Variants in MRTFA observed in about 807,000 individuals in gnomAD.
MRTFA encodes the protein myocardin related transcription factor A.
MRTFA carries 20 observed loss-of-function variants against 83.5 expected under a neutral mutation model. The ratio of observed to expected loss-of-function variants is 0.24; its 90% CI spans 0.17 to 0.35. The LOEUF (loss-of-function observed/expected upper bound fraction) is 0.35, where lower values mean the gene tolerates loss of function less well. MRTFA is among the 10% of genes least tolerant of loss of function. The probability of loss-of-function intolerance (pLI) is 1.00; values close to 1 mark genes in which losing one functional copy is unlikely to be tolerated. For missense variants in MRTFA, 1,200 were observed against 1,224.7 expected (o/e 0.98, Z 0.30); for synonymous variants, 659 against 541.2 (o/e 1.22, Z -3.02).
At chr22:40,569,326 G>C in intron 2 of MRTFA, 1 of 216,538 alleles carries the variant, frequency 4.6e-6, no homozygotes, top group Non-Finnish European at 1.0e-5. Context: ...AGAACTACAG[G>C]ACTGCCCCTT....
At chr22:40,525,621 T>C (rs547718052) in intron 3 of MRTFA, among the ~76,000 whole-genome samples, 23 of 152,326 alleles carry the variant, frequency 1.5e-4, no homozygotes, top group African/African-American at 5.3e-4. Context: ...TCATACCCAC[T>C]GAAAATGTTT....
rs538208373 is a variant in MRTFA, at chr22:40,458,537, C to T, written c.307+4684G>A. Among the ~76,000 whole-genome samples, 6 of 152,244 alleles carry T rather than the reference C, an allele frequency of 3.9e-5. No individual in the cohort carries two copies. In the East Asian group the frequency reaches 5.8e-4, roughly 15 times the overall value. ...AGCACACTGTGTCCTACAGATATGA[C>T]GATGTCAGGACTGACAGCCAGTCCT... On this transcript the variant is annotated intron_variant, in intron 4 of 14. Coordinates refer to ENST00000355630, the MANE Select transcript of MRTFA (RefSeq NM_020831.6).
intron 3 of MRTFA, among the ~76,000 whole-genome samples, chr22:40,475,377 A>C (rs1339541029): frequency 6.6e-6 from 1 of 151,956 alleles, no homozygotes; most frequent in Non-Finnish European, 1.5e-5. Flanking sequence ...ATCTCAATTA[A>C]AATAGAAAAA....
intron 4 of MRTFA, among the ~76,000 whole-genome samples, chr22:40,436,095 C>T (rs964294437): frequency 6.6e-6 from 1 of 152,160 alleles, no homozygotes; most frequent in African/African-American, 2.4e-5. Flanking sequence ...TGGGAACTGT[C>T]ACTGCCTAAG....
chr22:40,491,477 G>C (rs1397477763), intron 3 of MRTFA, among the ~76,000 whole-genome samples: 1 of 152,102 alleles, frequency 6.6e-6, no homozygotes, highest in Non-Finnish European at 1.5e-5. Flanking sequence ...CCTTCCAAGT[G>C]TTATTTTATT....
At chr22:40,480,998 A>C (rs2054082014) in intron 3 of MRTFA, among the ~76,000 whole-genome samples, 1 of 151,938 alleles carries the variant, frequency 6.6e-6, no homozygotes, top group Non-Finnish European at 1.5e-5. Flanking sequence ...CAGGTGTAGT[A>C]GTCCTTGCCT....
intron 3 of MRTFA, among the ~76,000 whole-genome samples, chr22:40,478,004 CA>C (rs71777635): frequency 0.12 from 18,249 of 151,666 alleles, 1,265 homozygotes; most frequent in East Asian, 0.24. Context: ...GTTGAGTGTT[CA>C]AAAAAAGCAT....
At chr22:40,572,119 G>A (rs1012359365) in intron 2 of MRTFA, among the ~76,000 whole-genome samples, 4 of 151,908 alleles carry the variant, frequency 2.6e-5, no homozygotes, top group Non-Finnish European at 4.4e-5. Context: ...TGGAGTTCAC[G>A]TATTATCCCA....
intron 3 of MRTFA, among the ~76,000 whole-genome samples, chr22:40,503,244 C>G (rs1240168077): frequency 1.3e-5 from 2 of 152,202 alleles, no homozygotes; most frequent in Non-Finnish European, 2.9e-5. Context: ...TAATGTATCA[C>G]CATTTACTCT....
Position 40,428,022 on chromosome 22 carries a change from C to T in MRTFA, c.601+1584G>A, listed in dbSNP as rs188940060. Among the ~76,000 whole-genome samples, 291 of 152,298 alleles carry T rather than the reference C, an allele frequency of 1.9e-3. 2 individuals are homozygous for T. The highest frequency in any genetic ancestry group is 1.4e-3 in the Non-Finnish European group (92 of 68,036). On this transcript the variant is annotated intron_variant, in intron 7 of 14. Coordinates refer to ENST00000355630, the MANE Select transcript of MRTFA (RefSeq NM_020831.6). Reference sequence around the variant, plus strand: ...TACCACCATTCCCCCTGGCACCCCACGACACTGTGCCATCCGTCCCTCCCT... The same window carrying T: ...TACCACCATTCCCCCTGGCACCCCATGACACTGTGCCATCCGTCCCTCCCT...
chr22:40,446,868 T>C (rs554073643), intron 4 of MRTFA, among the ~76,000 whole-genome samples: 2 of 152,222 alleles, frequency 1.3e-5, no homozygotes, highest in Non-Finnish European at 2.9e-5. Context: ...CCTACATGTG[T>C]CGGACCCTGT....
intron 2 of MRTFA, among the ~76,000 whole-genome samples, chr22:40,574,840 A>G (rs1692048349): frequency 6.6e-6 from 1 of 152,130 alleles, no homozygotes; most frequent in African/African-American, 2.4e-5. Context: ...AGCTCCATGG[A>G]TTTTGGTACC....
At chr22:40,479,982 CTTAAG>C (rs748659964) in intron 3 of MRTFA, among the ~76,000 whole-genome samples, 24 of 152,124 alleles carry the variant, frequency 1.6e-4, no homozygotes, top group Admixed American at 6.5e-4. Context: ...GAAAATCTAA[CTTAAG>C]TTATTAAAAT....
At chr22:40,596,387 T>C (rs961721563) in intron 1 of MRTFA, among the ~76,000 whole-genome samples, 1 of 152,148 alleles carries the variant, frequency 6.6e-6, no homozygotes, top group Non-Finnish European at 1.5e-5. Context: ...CCTCAACAGA[T>C]ATGGTTACAT....
At chr22:40,420,347 C>A in intron 11 of MRTFA, 58 bp downstream of exon 11, 8 of 1,565,892 alleles carry the variant, frequency 5.1e-6, no homozygotes, top group Non-Finnish European at 6.1e-6. Flanking sequence ...AGCACCCAGA[C>A]AGCCCCTGTG....
At chr22:40,613,915 A>G (rs1291022505) in intron 1 of MRTFA, among the ~76,000 whole-genome samples, 1 of 151,952 alleles carries the variant, frequency 6.6e-6, no homozygotes, top group East Asian at 1.9e-4. Flanking sequence ...AAATAAAAAA[A>G]TAAGCCGGGC....
chr22:40,576,459 C>G (rs931422444), intron 2 of MRTFA, among the ~76,000 whole-genome samples: 24 of 152,108 alleles, frequency 1.6e-4, no homozygotes, highest in African/African-American at 5.8e-4. Flanking sequence ...TGCTGATAAT[C>G]CTAGCATCTC....
chr22:40,599,903 T>TAAAA lies in MRTFA; in HGVS notation c.-83-5172_-83-5169dup, dbSNP rs61576273. Among the ~76,000 whole-genome samples, 3 of 123,416 alleles carry TAAAA rather than the reference T, an allele frequency of 2.4e-5. No individual in the cohort carries two copies. The Admixed American group carries it at 2.7e-4, about 11-fold the overall frequency. The allele number at this position is 123,416 out of a possible 152,430, so 81.0% of individuals were successfully genotyped here. On this transcript the variant is annotated intron_variant, in intron 1 of 14. Coordinates refer to ENST00000355630, the MANE Select transcript of MRTFA (RefSeq NM_020831.6). ...GACAGAGTGAGACACGCTGTGTCTT[T>TAAAA]AAAAAAAAAAAAAGAAGTGAAGGGA...
chr22:40,411,787 G>A lies in MRTFA; in HGVS notation c.2699C>T (p.Ala900Val). ...GGGTGAGCCTGGAGGAGGTGGGGCAGCCTGGGGGAGCTCAGCAGAAGGTGA... is the reference window on the plus strand; with the variant it reads ...GGGTGAGCCTGGAGGAGGTGGGGCAACCTGGGGGAGCTCAGCAGAAGGTGA... The change falls in exon 15 of 15, where the codon GCT becomes GTT. Residue 900 changes from alanine to valine, a missense_variant. Physicochemically the swap from Ala to Val is moderately conservative, Grantham distance 64. Coordinates refer to ENST00000355630, the MANE Select transcript of MRTFA (RefSeq NM_020831.6). The A allele has an allele frequency of 6.5e-7, 1 of 1,530,500 alleles. No homozygotes were observed. Among genetic ancestry groups the A allele is most frequent in the Non-Finnish European group, 8.8e-7 (1 of 1,134,216 alleles). 94.8% of individuals were successfully genotyped at this position (1,530,500 alleles called of 1,614,324 possible).
Sources: allele counts gnomAD v4.1 joint callset (sites outside exome capture counted in the v4.1 genomes callset), GRCh38; gene constraint gnomAD v4.1.1; transcripts MANE v1.5; gene names NCBI Gene and HGNC (gene_info 2026-07-23, HGNC 2026-07-21).